The following TTC7B variants were observed in gnomAD, a reference collection of about 807,000 sequenced individuals.
TTC7B encodes tetratricopeptide repeat domain 7B, also known as tetratricopeptide repeat protein 7B.
Under a neutral mutation model 106.8 loss-of-function variants are expected in TTC7B, and 28 were observed. The ratio of observed to expected loss-of-function variants is 0.26; its 90% CI spans 0.19 to 0.36. The LOEUF is 0.36. Among genes scored for constraint, TTC7B ranks in the 10% least tolerant of loss-of-function variants. The probability of loss-of-function intolerance (pLI) is 1.00; values close to 1 mark genes in which losing one functional copy is unlikely to be tolerated. For synonymous variants in TTC7B, 405 were observed against 430.6 expected (o/e 0.94, Z 0.74); for missense variants, 862 against 1,076.4 (o/e 0.80, Z 2.79).
chr14:90,774,454 A>G (rs1470754161), intron 3 of TTC7B, among the ~76,000 whole-genome samples: 1 of 152,220 alleles, frequency 6.6e-6, no homozygotes, highest in African/African-American at 2.4e-5. Flanking sequence ...CCCTCTGCAT[A>G]TGCCTAAGGC....
At chr14:90,639,769 C>T (rs1458638977) in intron 15 of TTC7B, among the ~76,000 whole-genome samples, 1 of 152,302 alleles carries the variant, frequency 6.6e-6, no homozygotes, top group Middle Eastern at 3.4e-3. Context: ...AAACAACCCA[C>T]GTATCTATTC....
intron 10 of TTC7B, 143 bp downstream of exon 10, chr14:90,658,161 C>T (rs536141703): frequency 9.2e-4 from 622 of 676,714 alleles, no homozygotes; most frequent in Non-Finnish European, 1.4e-3. Context: ...TCTGATTGTT[C>T]ACTGAGAACG....
intron 5 of TTC7B, among the ~76,000 whole-genome samples, chr14:90,721,260 C>T (rs1195140342): frequency 6.6e-6 from 1 of 152,194 alleles, no homozygotes; most frequent in Non-Finnish European, 1.5e-5. Flanking sequence ...GCTGAGGAAG[C>T]TTTCTGACGG....
At chr14:90,649,349 T>C (rs1391033577) in intron 13 of TTC7B, among the ~76,000 whole-genome samples, 2 of 149,596 alleles carry the variant, frequency 1.3e-5, no homozygotes, top group Non-Finnish European at 3.0e-5. Context: ...TGATCTCAAG[T>C]AGATGCTAAA....
intron 17 of TTC7B, among the ~76,000 whole-genome samples, chr14:90,605,967 C>T (rs372170423): frequency 2.0e-5 from 3 of 152,060 alleles, no homozygotes; most frequent in Non-Finnish European, 4.4e-5. Flanking sequence ...TTAGTTGGTC[C>T]GCAACAACAC....
At chr14:90,554,981 GT>G (rs1050744045) in intron 19 of TTC7B, among the ~76,000 whole-genome samples, 273 of 152,310 alleles carry the variant, frequency 1.8e-3, no homozygotes, top group African/African-American at 6.3e-3. Context: ...TGCCTGGGAG[GT>G]TGTAGTGGTG....
intron 15 of TTC7B, among the ~76,000 whole-genome samples, chr14:90,641,199 G>A (rs1885154546): frequency 6.6e-6 from 1 of 152,186 alleles, no homozygotes; most frequent in African/African-American, 2.4e-5. Flanking sequence ...CTTATTCAAA[G>A]TACTTAAACA....
Position 90,525,921 on chromosome 14 carries a change from C to G in TTC7B, c.*15447G>C, listed in dbSNP as rs557983234. 2.2e-4 allele frequency: 30 copies of G among 135,018 alleles called. 1 individual carries two copies. The highest frequency in any genetic ancestry group is 7.8e-4 in the African/African-American group (28 of 36,080). 8.4% of individuals were successfully genotyped at this position (135,018 alleles called of 1,614,324 possible). On this transcript the variant is annotated 3_prime_UTR_variant, in exon 20 of 20. Coordinates refer to ENST00000328459, the MANE Select transcript of TTC7B (RefSeq NM_001010854.2). ...GGGGGTTGGGGCAAAGCTTTGCTCCCTTAGAATAATACCAACGTACAGAGT... is the reference window on the plus strand; with the variant it reads ...GGGGGTTGGGGCAAAGCTTTGCTCCGTTAGAATAATACCAACGTACAGAGT...
Position 90,752,399 on chromosome 14 carries a change from T to C in TTC7B, c.446-7477A>G, listed in dbSNP as rs1890165153. On this transcript the variant is annotated intron_variant, in intron 3 of 19. Transcript: ENST00000328459. The stretch of plus-strand genomic sequence containing the variant: ...AAGAAAGATTCAGGCTCAATACCTC[T>C]GACAGGGAGCTATTTTCTCTCCCCA... 1.3e-5 allele frequency among the ~76,000 whole-genome samples: 2 copies of C among 152,198 alleles called. 1 individual carries two copies. The highest frequency in any genetic ancestry group is 4.1e-4 in the South Asian group (2 of 4,834).
At chr14:90,712,357 TATTC>T (rs1185332468) in intron 5 of TTC7B, among the ~76,000 whole-genome samples, 3 of 152,186 alleles carry the variant, frequency 2.0e-5, no homozygotes, top group African/African-American at 7.2e-5. Flanking sequence ...AAATTGTTTA[TATTC>T]ACAGATGACA....
chr14:90,558,594 C>T (rs150034723), intron 19 of TTC7B, among the ~76,000 whole-genome samples: 1 of 152,346 alleles, frequency 6.6e-6, no homozygotes, highest in African/African-American at 2.4e-5. Flanking sequence ...TGATAAAACA[C>T]CTTCTGATGA....
chr14:90,687,257 TG>T (rs1887284144), intron 7 of TTC7B, among the ~76,000 whole-genome samples: 1 of 152,248 alleles, frequency 6.6e-6, no homozygotes, highest in South Asian at 2.1e-4. Context: ...CCATGTGAAC[TG>T]AAACTTGTGA....
intron 19 of TTC7B, among the ~76,000 whole-genome samples, chr14:90,573,150 A>G (rs2139798223): frequency 6.6e-6 from 1 of 152,254 alleles, no homozygotes; most frequent in East Asian, 1.9e-4. Context: ...ACTTCATTTA[A>G]GGGGATGGCC....
chr14:90,765,252 C>A (rs61084519), intron 3 of TTC7B, among the ~76,000 whole-genome samples: 5,298 of 152,152 alleles, frequency 0.035, 194 homozygotes, highest in African/African-American at 0.093. Flanking sequence ...CTAGACTAGG[C>A]AAATCTATAG....
chr14:90,628,820 T>A (rs981000579), intron 15 of TTC7B, among the ~76,000 whole-genome samples: 1 of 152,272 alleles, frequency 6.6e-6, no homozygotes, highest in Non-Finnish European at 1.5e-5. Context: ...TGTGTTTCCA[T>A]GAGGGGCTGT....
At chr14:90,658,890 G>T (rs12883866) in intron 9 of TTC7B, among the ~76,000 whole-genome samples, 1 of 152,104 alleles carries the variant, frequency 6.6e-6, no homozygotes, top group South Asian at 2.1e-4. Flanking sequence ...ATCTACAAAC[G>T]GACTTCCCTC....
At chr14:90,796,601 G>A (rs2029886408) in intron 1 of TTC7B, among the ~76,000 whole-genome samples, 1 of 152,212 alleles carries the variant, frequency 6.6e-6, no homozygotes. Context: ...CAGCTGACAT[G>A]CAGAGATGTG....
At chr14:90,636,427 T>TAAAAAAAAAAAAAAAAAAAAAAAAAAAAA in intron 15 of TTC7B, among the ~76,000 whole-genome samples, 1 of 99,886 alleles carries the variant, frequency 1.0e-5, no homozygotes, top group Non-Finnish European at 2.1e-5. Context: ...AACGATGTGG[T>TAAAAAAAAAAAAAAAAAAAAAAAAAAAAA]AAAAAAAAAA....
At chr14:90,636,504 A>G (rs965738522) in intron 15 of TTC7B, among the ~76,000 whole-genome samples, 2 of 151,706 alleles carry the variant, frequency 1.3e-5, no homozygotes, top group African/African-American at 4.8e-5. Context: ...CAAATGATAA[A>G]GTAGAAAAAA....
Sources: gnomAD v4.1 joint callset for allele counts (sites outside exome capture counted in the v4.1 genomes callset) on GRCh38, gnomAD v4.1.1 for gene constraint, MANE v1.5 for transcripts, NCBI Gene and HGNC (gene_info 2026-07-23, HGNC 2026-07-21) for gene names.